The following HS6ST3 variants were observed in gnomAD, a reference collection of about 807,000 sequenced individuals.
HS6ST3 encodes heparan-sulfate 6-O-sulfotransferase 3.
HS6ST3 carries 12 observed loss-of-function variants against 36.7 expected under a neutral mutation model. The observed-to-expected ratio is 0.33, with a 90% CI of 0.21 to 0.53. HS6ST3 has a LOEUF of 0.53. HS6ST3 is among the 20% of genes least tolerant of loss of function. HS6ST3 has a pLI of 0.95. For missense variants in HS6ST3, 584 were observed against 640.9 expected (o/e 0.91, Z 0.96); for synonymous variants, 240 against 257.5 (o/e 0.93, Z 0.65).
intron 1 of HS6ST3, among the ~76,000 whole-genome samples, chr13:96,432,460 A>G (rs2055620339): frequency 6.6e-6 from 1 of 152,214 alleles, no homozygotes; most frequent in Non-Finnish European, 1.5e-5. Context: ...AAGGCCACAA[A>G]CATTTTATTG....
intron 1 of HS6ST3, among the ~76,000 whole-genome samples, chr13:96,122,033 C>T (rs1007744780): frequency 7.9e-5 from 12 of 151,840 alleles, no homozygotes; most frequent in Non-Finnish European, 1.0e-4. Flanking sequence ...AGAATTTAGA[C>T]GCAATTCCTC....
intron 1 of HS6ST3, among the ~76,000 whole-genome samples, chr13:96,226,321 G>C (rs1044721197): frequency 7.9e-5 from 12 of 152,114 alleles, no homozygotes; most frequent in Admixed American, 4.6e-4. Context: ...GGGAGTTCAA[G>C]ACCAGCCTGA....
intron 1 of HS6ST3, among the ~76,000 whole-genome samples, chr13:96,643,032 A>G (rs1028335668): frequency 2.6e-5 from 4 of 152,016 alleles, no homozygotes; most frequent in African/African-American, 9.7e-5. Flanking sequence ...ACTGGAAATC[A>G]GATTCTACTC....
At chr13:96,831,966 A>AT (rs1878799975) in intron 1 of HS6ST3, among the ~76,000 whole-genome samples, 2 of 146,958 alleles carry the variant, frequency 1.4e-5, no homozygotes, top group Non-Finnish European at 1.5e-5. Context: ...AAAAAAAAAA[A>AT]AAAAAAAAAA....
chr13:96,166,118 T>C (rs978710988), intron 1 of HS6ST3, among the ~76,000 whole-genome samples: 2 of 151,848 alleles, frequency 1.3e-5, no homozygotes, highest in African/African-American at 4.8e-5. Context: ...GGTGCAATTA[T>C]AGAATTATAG....
At chr13:96,314,137 G>A (rs2054956053) in intron 1 of HS6ST3, among the ~76,000 whole-genome samples, 1 of 152,232 alleles carries the variant, frequency 6.6e-6, no homozygotes, top group South Asian at 2.1e-4. Context: ...GGAGGCGGAG[G>A]TCTCAGTGAG....
chr13:96,299,422 C>A (rs1041254890), intron 1 of HS6ST3, among the ~76,000 whole-genome samples: 1 of 152,092 alleles, frequency 6.6e-6, no homozygotes, highest in Non-Finnish European at 1.5e-5. Context: ...TAGAGGGCTC[C>A]CCACTGGTGC....
At chr13:96,185,082 G>A (rs113912088) in intron 1 of HS6ST3, among the ~76,000 whole-genome samples, 2 of 152,276 alleles carry the variant, frequency 1.3e-5, no homozygotes, top group African/African-American at 4.8e-5. Flanking sequence ...TTGTGTATTT[G>A]TAGTTTGTTC....
intron 1 of HS6ST3, among the ~76,000 whole-genome samples, chr13:96,703,168 T>C (rs1171012745): frequency 1.3e-5 from 2 of 152,220 alleles, no homozygotes; most frequent in Non-Finnish European, 2.9e-5. Context: ...CTGTTATCAG[T>C]AAGAGCATTG....
At chr13:96,348,518 G>GT (rs1487493282) in intron 1 of HS6ST3, among the ~76,000 whole-genome samples, 1 of 152,164 alleles carries the variant, frequency 6.6e-6, no homozygotes. Flanking sequence ...CAATAGCATT[G>GT]TTTTTTCCAA....
intron 1 of HS6ST3, among the ~76,000 whole-genome samples, chr13:96,441,942 C>A (rs2055673534): frequency 6.6e-6 from 1 of 151,146 alleles, no homozygotes; most frequent in African/African-American, 2.4e-5. Flanking sequence ...AATTTGTAAT[C>A]ATATAGGAAA....
chr13:96,693,969 A>G (rs1013427228), intron 1 of HS6ST3, among the ~76,000 whole-genome samples: 4 of 152,108 alleles, frequency 2.6e-5, no homozygotes, highest in Admixed American at 2.0e-4. Flanking sequence ...TTTCCTTCTT[A>G]TATCTACAGG....
intron 1 of HS6ST3, among the ~76,000 whole-genome samples, chr13:96,132,377 C>T (rs2053980519): frequency 6.6e-6 from 1 of 151,580 alleles, no homozygotes; most frequent in Non-Finnish European, 1.5e-5. Flanking sequence ...AACCTCCATA[C>T]TGTTTTCTAA....
At chr13:96,337,130 A>T (rs560868582) in intron 1 of HS6ST3, among the ~76,000 whole-genome samples, 1 of 152,050 alleles carries the variant, frequency 6.6e-6, no homozygotes, top group South Asian at 2.1e-4. Flanking sequence ...GCAGTGGCCA[A>T]TCTCTGCTCA....
chr13:96,751,436 C>A (rs559469109), intron 1 of HS6ST3, among the ~76,000 whole-genome samples: 1 of 152,214 alleles, frequency 6.6e-6, no homozygotes, highest in African/African-American at 2.4e-5. Context: ...AAGGGAGGGA[C>A]AGAATCTCAC....
At chr13:96,799,272 G>A in intron 1 of HS6ST3, among the ~76,000 whole-genome samples, 1 of 152,034 alleles carries the variant, frequency 6.6e-6, no homozygotes, top group Admixed American at 6.6e-5. Context: ...TCCAGCACCT[G>A]TTGTTTCCTG....
chr13:96,344,759 T>C (rs1239160751), intron 1 of HS6ST3, among the ~76,000 whole-genome samples: 3 of 152,202 alleles, frequency 2.0e-5, no homozygotes, highest in Non-Finnish European at 4.4e-5. Flanking sequence ...AGGTCATTGC[T>C]TGTGAACAAT....
intron 1 of HS6ST3, among the ~76,000 whole-genome samples, chr13:96,710,436 C>G (rs1875533388): frequency 6.6e-6 from 1 of 152,176 alleles, no homozygotes; most frequent in Non-Finnish European, 1.5e-5. Flanking sequence ...GCTTCAGGGC[C>G]CAGAGACTAA....
At chr13:96,614,297 CAAAAAAAAAAAAAAAAA>C (rs67979751) in intron 1 of HS6ST3, among the ~76,000 whole-genome samples, 1 of 43,946 alleles carries the variant, frequency 2.3e-5, no homozygotes, top group African/African-American at 9.3e-5. Context: ...GGATCCATCT[CAAAAAAAAAAAAAAAAA>C]AAAAAAAAAA....
Sources: allele counts gnomAD v4.1 joint callset (sites outside exome capture counted in the v4.1 genomes callset), GRCh38; gene constraint gnomAD v4.1.1; transcripts MANE v1.5; gene names NCBI Gene and HGNC (gene_info 2026-07-23, HGNC 2026-07-21).